The following RAB22A variants were observed in gnomAD, a reference collection of about 807,000 sequenced individuals.
RAB22A encodes ras-related protein Rab-22A.
RAB22A carries 13 observed loss-of-function variants against 30.2 expected under a neutral mutation model. The ratio of observed to expected loss-of-function variants is 0.43; its 90% confidence interval spans 0.28 to 0.68. The LOEUF (loss-of-function observed/expected upper bound fraction) is 0.68. Among genes scored for constraint, RAB22A ranks in the 30% least tolerant of loss-of-function variants. RAB22A has a pLI of 0.18. For synonymous variants in RAB22A, 89 were observed against 87.2 expected (o/e 1.02, Z -0.11); for missense variants, 177 against 246.8 (o/e 0.72, Z 1.89).
chr20:58,352,300 G>A (rs1987064728), intron 3 of RAB22A, among the ~76,000 whole-genome samples: 1 of 152,182 alleles, frequency 6.6e-6, no homozygotes, highest in Non-Finnish European at 1.5e-5. Context: ...TTATGTATGT[G>A]CACCAAATGC....
intron 2 of RAB22A, among the ~76,000 whole-genome samples, chr20:58,340,854 T>C (rs947742748): frequency 6.6e-6 from 1 of 152,036 alleles, no homozygotes; most frequent in Non-Finnish European, 1.5e-5. Context: ...ACCCAAACGA[T>C]GGGGAGCATC....
chr20:58,341,728 G>C (rs140753270), intron 2 of RAB22A, among the ~76,000 whole-genome samples: 1 of 152,306 alleles, frequency 6.6e-6, no homozygotes, highest in East Asian at 1.9e-4. Flanking sequence ...AATAAGTAAT[G>C]TTTTAATTAA....
rs1252581006 is a variant in RAB22A, at chr20:58,309,838, GGACGGGCGGCAGCCGCCT to G, written c.-138_-121del. On this transcript the variant is annotated 5_prime_UTR_variant, in exon 1 of 7. Coordinates refer to ENST00000244040, the MANE Select transcript of RAB22A (RefSeq NM_020673.3). ...CGGACAGGCCGGACCTACGGCCGGA[GGACGGGCGGCAGCCGCCT>G]CTGCGCGGACCGGGGCTGGGCCGTG... 1.2e-6 allele frequency: 1 copy of G among 809,702 alleles called. No homozygotes were observed. The highest frequency in any genetic ancestry group is 3.5e-5 in the East Asian group (1 of 28,682). 50.2% of individuals were successfully genotyped at this position (809,702 alleles called of 1,614,324 possible). A position where few individuals can be genotyped will look rare whatever the true frequency, so the allele number is the denominator to read the frequency against.
rs188261481 is a variant in RAB22A, at chr20:58,310,945, G to A, written c.37-98G>A. The A allele has an allele frequency of 3.8e-4, 366 of 965,556 alleles. 1 individual carries two copies. Among genetic ancestry groups the A allele is most frequent in the Middle Eastern group, 1.9e-3 (9 of 4,780 alleles). 59.8% of individuals were successfully genotyped at this position (965,556 alleles called of 1,614,324 possible). On this transcript the variant is annotated intron_variant, in intron 1 of 6. Coordinates refer to ENST00000244040, the MANE Select transcript of RAB22A (RefSeq NM_020673.3). Reference sequence around the variant, plus strand: ...CGTTTATAAAATTTACACGTCTAGGGTGATTTTTCTAAAATCCTGAACTTA... The same window carrying A: ...CGTTTATAAAATTTACACGTCTAGGATGATTTTTCTAAAATCCTGAACTTA...
rs1987330863 is a variant in RAB22A, at chr20:58,366,981, C to T, written c.*7278C>T. 1 of 152,394 alleles carries T rather than the reference C, an allele frequency of 6.6e-6. No homozygotes were observed. Among genetic ancestry groups the T allele is most frequent in the Non-Finnish European group, 1.5e-5 (1 of 68,012 alleles). 9.4% of individuals were successfully genotyped at this position (152,394 alleles called of 1,614,324 possible). ...CTTTCTCCTAAGAATGTCATGCCTT[C>T]TCAAGACCTGATGAAAGGAATAAGA... is the stretch of plus-strand genomic sequence containing the variant. On this transcript the variant is annotated 3_prime_UTR_variant, in exon 7 of 7. Transcript: ENST00000244040.
chr20:58,324,435 T>A (rs1002862186), intron 2 of RAB22A, among the ~76,000 whole-genome samples: 2 of 152,230 alleles, frequency 1.3e-5, no homozygotes, highest in Non-Finnish European at 2.9e-5. Context: ...AACTCTATGA[T>A]ATGTCTCTTC....
intron 2 of RAB22A, among the ~76,000 whole-genome samples, chr20:58,324,623 C>G (rs1393318334): frequency 2.6e-5 from 4 of 152,168 alleles, no homozygotes; most frequent in African/African-American, 9.7e-5. Flanking sequence ...AATCCCAGCA[C>G]TTTGGGAGGC....
At chr20:58,311,395 A>G (rs1287087403) in intron 2 of RAB22A, among the ~76,000 whole-genome samples, 2 of 152,218 alleles carry the variant, frequency 1.3e-5, no homozygotes, top group Non-Finnish European at 2.9e-5. Context: ...TCGGTCTATA[A>G]ATATCAACAG....
chr20:58,330,640 A>G (rs73915832), intron 2 of RAB22A, among the ~76,000 whole-genome samples: 307 of 152,300 alleles, frequency 2.0e-3, no homozygotes, highest in African/African-American at 7.2e-3. Flanking sequence ...CTTCATCTTA[A>G]CACTTTGTTC....
chr20:58,336,307 C>G (rs972600060), intron 2 of RAB22A, among the ~76,000 whole-genome samples: 1 of 150,130 alleles, frequency 6.7e-6, no homozygotes, highest in South Asian at 2.2e-4. Flanking sequence ...CCACGGCGCC[C>G]GGCCGCTGGT....
In RAB22A at chr20:58,361,802, A is replaced by AT. The variant is rs893867576; in HGVS notation, c.*2105dup. On this transcript the variant is annotated 3_prime_UTR_variant, in exon 7 of 7. Coordinates refer to ENST00000244040, the MANE Select transcript of RAB22A (RefSeq NM_020673.3). Reference sequence around the variant, plus strand: ...GATGGTGCAAATCTATGACCTTCACATTTTTTCCACCACACCCACCAGTAG... The same window carrying AT: ...GATGGTGCAAATCTATGACCTTCACATTTTTTTCCACCACACCCACCAGTAG... 2.6e-5 allele frequency: 4 copies of AT among 151,014 alleles called. No homozygotes were observed. The highest frequency in any genetic ancestry group is 9.8e-5 in the African/African-American group (4 of 40,998). 9.4% of individuals were successfully genotyped at this position (151,014 alleles called of 1,614,324 possible).
Position 58,361,934 on chromosome 20 carries a change from T to C in RAB22A, c.*2231T>C, listed in dbSNP as rs1301129404. On this transcript the variant is annotated 3_prime_UTR_variant, in exon 7 of 7. Coordinates refer to ENST00000244040, the MANE Select transcript of RAB22A (RefSeq NM_020673.3). ...TGTGTCTGATCTTACTGTGATGTTT[T>C]ACTGTACCGAGCCCAATGTGGGTCC... 1 of 152,168 alleles carries C rather than the reference T, an allele frequency of 6.6e-6. No individual in the cohort carries two copies. Among genetic ancestry groups the C allele is most frequent in the Non-Finnish European group, 1.5e-5 (1 of 68,026 alleles). The allele number at this position is 152,168 out of a possible 1,614,324, so 9.4% of individuals were successfully genotyped here.
At chr20:58,325,748 A>G (rs1397573973) in intron 2 of RAB22A, among the ~76,000 whole-genome samples, 1 of 152,292 alleles carries the variant, frequency 6.6e-6, no homozygotes, top group Non-Finnish European at 1.5e-5. Flanking sequence ...ACTGTTTGCT[A>G]TGTGGATCAG....
chr20:58,353,338 A>G lies in RAB22A; in HGVS notation c.264A>G (p.Thr88=). The change falls in exon 4 of 7, where the codon ACA becomes ACG. Residue 88 remains threonine (T), a synonymous_variant. Coordinates refer to ENST00000244040, the MANE Select transcript of RAB22A (RefSeq NM_020673.3). ...SAAAIIVYDI[T]KEETFSTLKN... is the part of the protein sequence containing the mutation. ...CAGCTATAATCGTTTATGATATCAC[A>G]AAAGAAGTAAGACTATATAGTTTTC... 4 of 1,613,798 alleles carry G rather than the reference A, an allele frequency of 2.5e-6. No homozygotes were observed. Among genetic ancestry groups the G allele is most frequent in the Middle Eastern group, 3.3e-4 (2 of 6,062 alleles).
At chr20:58,349,318 G>A (rs573791987) in intron 3 of RAB22A, among the ~76,000 whole-genome samples, 11 of 152,330 alleles carry the variant, frequency 7.2e-5, no homozygotes, top group Admixed American at 5.2e-4. Flanking sequence ...TTCCCAGTTC[G>A]AGTGGCACAG....
chr20:58,335,193 C>T (rs1416666749), intron 2 of RAB22A, among the ~76,000 whole-genome samples: 4 of 152,232 alleles, frequency 2.6e-5, no homozygotes, highest in South Asian at 2.1e-4. Flanking sequence ...AGTTAACCCT[C>T]ATCTCTGAAG....
At chr20:58,336,386 T>G (rs1986754851) in intron 2 of RAB22A, among the ~76,000 whole-genome samples, 1 of 152,184 alleles carries the variant, frequency 6.6e-6, no homozygotes, top group African/African-American at 2.4e-5. Context: ...CTTCGTCTTG[T>G]CTGTGCCCTC....
At chr20:58,320,409 TCCTTTTAATGTTTTGGGATCTG>T (rs542882528) in intron 2 of RAB22A, among the ~76,000 whole-genome samples, 53 of 152,314 alleles carry the variant, frequency 3.5e-4, no homozygotes, top group African/African-American at 1.2e-3. Flanking sequence ...CCACTTCTTA[TCCTTTTAATGTTTTGGGATCTG>T]TAGCAATACC....
At chr20:58,320,175 C>G (rs2122929479) in intron 2 of RAB22A, among the ~76,000 whole-genome samples, 1 of 152,224 alleles carries the variant, frequency 6.6e-6, no homozygotes, top group South Asian at 2.1e-4. Context: ...GGTATTACGT[C>G]TTCCTTAAAG....
Sources: gnomAD v4.1 joint callset for allele counts (sites outside exome capture counted in the v4.1 genomes callset) on GRCh38, gnomAD v4.1.1 for gene constraint, MANE v1.5 for transcripts, NCBI Gene and HGNC (gene_info 2026-07-23, HGNC 2026-07-21) for gene names.